Variants in ZMYM2 observed in about 807,000 individuals in gnomAD.
The protein encoded by ZMYM2 is zinc finger MYM-type containing 2, also known as zinc finger MYM-type protein 2.
Under a neutral mutation model 162.8 loss-of-function variants are expected in ZMYM2, and 56 were observed. That is an observed-to-expected ratio of 0.34 (90% confidence interval 0.28 to 0.43). The LOEUF (loss-of-function observed/expected upper bound fraction) is 0.43, where lower values mean the gene tolerates loss of function less well. ZMYM2 is among the 20% of genes least tolerant of loss of function. The probability of loss-of-function intolerance (pLI) is 1.00; values close to 1 mark genes in which losing one functional copy is unlikely to be tolerated. For missense variants in ZMYM2, 1,275 were observed against 1,621.8 expected (o/e 0.79, Z 3.67); for synonymous variants, 510 against 541.6 (o/e 0.94, Z 0.81).
intron 12 of ZMYM2, among the ~76,000 whole-genome samples, chr13:20,039,276 G>A (rs368387851): frequency 1.3e-5 from 2 of 151,904 alleles, no homozygotes; most frequent in South Asian, 2.1e-4. Context: ...TTTCTCTTTC[G>A]TGATTGCTCT....
intron 24 of ZMYM2, among the ~76,000 whole-genome samples, chr13:20,084,723 G>C (rs1166920907): frequency 6.6e-6 from 1 of 152,146 alleles, no homozygotes; most frequent in Non-Finnish European, 1.5e-5. Flanking sequence ...AAAACGTTTA[G>C]AGACCATAGA....
chr13:20,062,060 C>T (rs991993645), intron 17 of ZMYM2, among the ~76,000 whole-genome samples: 2 of 152,028 alleles, frequency 1.3e-5, no homozygotes, highest in Non-Finnish European at 2.9e-5. Flanking sequence ...CTCTTGATAC[C>T]CAAAGTCCTA....
the ZMYM2 span, among the ~76,000 whole-genome samples, chr13:19,885,920 T>TATATGTGTATACACAC: frequency 1.7e-5 from 1 of 57,450 alleles, no homozygotes; most frequent in Non-Finnish European, 3.8e-5. Flanking sequence ...TATATACACA[T>TATATGTGTATACACAC]ATATATGTGT....
At chr13:19,982,236 T>G (rs1957395154) in intron 2 of ZMYM2, among the ~76,000 whole-genome samples, 1 of 151,818 alleles carries the variant, frequency 6.6e-6, no homozygotes, top group Non-Finnish European at 1.5e-5. Flanking sequence ...AATGTAGGTT[T>G]CTAATTGCTT....
intron 6 of ZMYM2, among the ~76,000 whole-genome samples, chr13:20,008,704 T>A (rs560780460): frequency 6.6e-6 from 1 of 152,354 alleles, no homozygotes; most frequent in East Asian, 1.9e-4. Flanking sequence ...ACTTTTGCAT[T>A]GATATTTATA....
At chr13:20,054,931 T>G (rs1955666652) in intron 14 of ZMYM2, among the ~76,000 whole-genome samples, 1 of 152,170 alleles carries the variant, frequency 6.6e-6, no homozygotes, top group Non-Finnish European at 1.5e-5. Flanking sequence ...AGCAGTGGCT[T>G]TAAGTATAGT....
At chr13:19,975,994 A>T (rs575053169) in intron 2 of ZMYM2, among the ~76,000 whole-genome samples, 2 of 151,866 alleles carry the variant, frequency 1.3e-5, no homozygotes, top group Admixed American at 6.6e-5. Flanking sequence ...AAGCATTGGG[A>T]TTACAGGTGT....
chr13:19,876,347 G>T, the ZMYM2 span, among the ~76,000 whole-genome samples: 2 of 145,360 alleles, frequency 1.4e-5, no homozygotes, highest in Non-Finnish European at 3.0e-5. Context: ...TTTTGAGATG[G>T]AGTCTCCCTC....
At position 20,021,367 on chromosome 13, in the gene ZMYM2, CTT is replaced by C. The variant is rs77767226; in HGVS notation, c.1584+1764_1584+1765del. On this transcript the variant is annotated intron_variant, in intron 7 of 24. Coordinates refer to ENST00000610343, the MANE Select transcript of ZMYM2 (RefSeq NM_197968.4). ...CTGGGTAATGAGTCATGTTTTCCTG[CTT>C]TTTTTTTTTTTTTTGACAAAATGCC... Among the ~76,000 whole-genome samples, 411 of 108,862 alleles carry C rather than the reference CTT, an allele frequency of 3.8e-3. 1 individual carries two copies. Among genetic ancestry groups the C allele is most frequent in the Middle Eastern group, 0.014 (3 of 214 alleles). 71.4% of individuals were successfully genotyped at this position (108,862 alleles called of 152,430 possible). A position where few individuals can be genotyped will look rare whatever the true frequency, so the allele number is the denominator to read the frequency against.
chr13:19,954,338 G>T (rs1028081280), upstream of ZMYM2, among the ~76,000 whole-genome samples: 27 of 151,142 alleles, frequency 1.8e-4, no homozygotes, highest in Non-Finnish European at 3.4e-4. Flanking sequence ...CCGTGGTCTC[G>T]ATCTCCTGAC....
intron 2 of ZMYM2, among the ~76,000 whole-genome samples, chr13:19,983,147 CTTT>C (rs536615645): frequency 7.0e-6 from 1 of 141,970 alleles, no homozygotes; most frequent in Non-Finnish European, 1.5e-5. Context: ...CCCACTTTCA[CTTT>C]TTTTTTTTTT....
chr13:19,889,772 G>A, the ZMYM2 span, among the ~76,000 whole-genome samples: 1 of 151,718 alleles, frequency 6.6e-6, no homozygotes, highest in South Asian at 2.1e-4. Context: ...TATCATTCAA[G>A]GATTTTTGTT....
chr13:20,083,203 C>T (rs1422835509), intron 23 of ZMYM2, among the ~76,000 whole-genome samples, 171 bp downstream of exon 23: 1 of 152,170 alleles, frequency 6.6e-6, no homozygotes, highest in African/African-American at 2.4e-5. Flanking sequence ...GCTGGGATTA[C>T]AGGCAGGCGC....
the ZMYM2 span, among the ~76,000 whole-genome samples, chr13:19,877,635 A>G: frequency 6.6e-6 from 1 of 152,164 alleles, no homozygotes; most frequent in Non-Finnish European, 1.5e-5. Context: ...ATGTAAGTGG[A>G]ATATTATGTA....
the ZMYM2 span, among the ~76,000 whole-genome samples, chr13:19,935,679 A>G: frequency 6.7e-6 from 1 of 150,092 alleles, no homozygotes; most frequent in Admixed American, 6.6e-5. Context: ...ACAGGATTCC[A>G]CTCTCACCCA....
chr13:20,086,162 C>A lies in ZMYM2; in HGVS notation c.*148C>A. The A allele has an allele frequency of 1.5e-6, 1 of 663,350 alleles. No individual in the cohort carries two copies. The highest frequency in any genetic ancestry group is 2.3e-6 in the Non-Finnish European group (1 of 428,662). The allele number at this position is 663,350 out of a possible 1,614,324, so 41.1% of individuals were successfully genotyped here. A position where few individuals can be genotyped will look rare whatever the true frequency, so the allele number is the denominator to read the frequency against. On this transcript the variant is annotated 3_prime_UTR_variant, in exon 25 of 25. Coordinates refer to ENST00000610343, the MANE Select transcript of ZMYM2 (RefSeq NM_197968.4). Reference sequence around the variant, plus strand: ...CGCTGGGTATTACCATGTAAATAATCTGTGAGTGAAAGTTGCCATTATTCT... The same window carrying A: ...CGCTGGGTATTACCATGTAAATAATATGTGAGTGAAAGTTGCCATTATTCT...
rs761094354 is a variant in ZMYM2, at chr13:20,036,772, C to T, written c.2155C>T (p.Arg719Cys). Residue 719 changes from arginine to cysteine, a missense_variant, in exon 12 of 25, where the codon CGT becomes TGT. This residue lies in a region of ZMYM2 where 177 missense variants were observed against 228.0 expected (regional missense o/e 0.78). Coordinates refer to ENST00000610343, the MANE Select transcript of ZMYM2 (RefSeq NM_197968.4). ...ATTATACAAACAGGATTTTGCCAGA[C>T]GTTTAGGATTGAGATGTGTTACTTG... Reference protein sequence around the residue: ...KLLYKQDFARRLGLRCVTCNY... With the variant: ...KLLYKQDFARCLGLRCVTCNY... The T allele has an allele frequency of 1.3e-5, 21 of 1,586,078 alleles. No homozygotes were observed. The highest frequency in any genetic ancestry group is 1.8e-5 in the Admixed American group (1 of 55,960).
intron 7 of ZMYM2, among the ~76,000 whole-genome samples, chr13:20,023,740 T>C (rs1952319700): frequency 6.6e-6 from 1 of 152,224 alleles, no homozygotes; most frequent in Non-Finnish European, 1.5e-5. Flanking sequence ...TATAAATTTG[T>C]ATGAAATTTA....
chr13:19,891,263 G>A, the ZMYM2 span, among the ~76,000 whole-genome samples: 1 of 151,852 alleles, frequency 6.6e-6, no homozygotes, highest in South Asian at 2.1e-4. Flanking sequence ...TGGAGAAGAG[G>A]CCGCGTGAGG....
Sources: gnomAD v4.1 joint callset for allele counts (sites outside exome capture counted in the v4.1 genomes callset) on GRCh38, gnomAD v4.1.1 for gene constraint, gnomAD v4.1.1 regional missense constraint, MANE v1.5 for transcripts, NCBI Gene and HGNC (gene_info 2026-07-23, HGNC 2026-07-21) for gene names.